Variants in C12orf42 observed in about 807,000 individuals in gnomAD.
The protein encoded by C12orf42 is uncharacterized protein C12orf42.
In C12orf42, 25 loss-of-function variants were observed where a neutral mutation model predicts 21.6. That is an observed-to-expected ratio of 1.16 (90% CI 0.84 to 1.62). The LOEUF is 1.62. Ranked by LOEUF, C12orf42 falls within the 40% of genes most tolerant of loss-of-function variation. The probability of loss-of-function intolerance (pLI) is 0.00; values close to 1 mark genes in which losing one functional copy is unlikely to be tolerated. For missense variants in C12orf42, 483 were observed against 459.3 expected, an observed-to-expected ratio of 1.05 and a Z score of -0.47; for synonymous variants, 174 against 175.0, an observed-to-expected ratio of 0.99 and a Z score of 0.05.
At chr12:103,257,426 A>T (rs73385651) in intron 10 of C12orf42, among the ~76,000 whole-genome samples, 7,724 of 152,266 alleles carry the variant, frequency 0.051, 466 homozygotes, top group African/African-American at 0.15. Flanking sequence ...AAGCATGCTT[A>T]AAAAGTTATA....
chr12:103,453,261 T>C (rs1398649190), intron 2 of C12orf42, among the ~76,000 whole-genome samples: 3 of 151,832 alleles, frequency 2.0e-5, no homozygotes, highest in African/African-American at 7.2e-5. Context: ...TAAAGGTTTA[T>C]ATAAAGTTAT....
chr12:103,231,386 A>G, the C12orf42 span, among the ~76,000 whole-genome samples: 1 of 152,176 alleles, frequency 6.6e-6, no homozygotes, highest in African/African-American at 2.4e-5. Flanking sequence ...TGAGTTTATG[A>G]TGACATATAT....
chr12:103,475,789 A>G (rs1469458506), intron 2 of C12orf42, among the ~76,000 whole-genome samples: 1 of 152,202 alleles, frequency 6.6e-6, no homozygotes, highest in Non-Finnish European at 1.5e-5. Context: ...GTATTTCCAA[A>G]AGGCAATCTG....
intron 4 of C12orf42, among the ~76,000 whole-genome samples, chr12:103,343,631 A>C: frequency 6.6e-6 from 1 of 152,016 alleles, no homozygotes; most frequent in East Asian, 1.9e-4. Flanking sequence ...ATACAAAAAA[A>C]TCAGCCGAGC....
the C12orf42 span, among the ~76,000 whole-genome samples, chr12:103,203,999 T>C: frequency 4.6e-5 from 7 of 152,184 alleles, no homozygotes; most frequent in Non-Finnish European, 8.8e-5. Context: ...GCTTCTATGA[T>C]GATAAAATCA....
intron 4 of C12orf42, among the ~76,000 whole-genome samples, chr12:103,365,633 G>A (rs1763752109): frequency 6.6e-6 from 1 of 151,930 alleles, no homozygotes. Context: ...CAAAGTTTCA[G>A]GATACAAAAT....
At chr12:103,147,427 G>A in the C12orf42 span, among the ~76,000 whole-genome samples, 1 of 151,000 alleles carries the variant, frequency 6.6e-6, no homozygotes, top group Non-Finnish European at 1.5e-5. Flanking sequence ...AGTGAATGAA[G>A]CATTTTCTAT....
At chr12:103,233,286 G>C (rs2033361311), downstream of C12orf42, among the ~76,000 whole-genome samples, 1 of 152,068 alleles carries the variant, frequency 6.6e-6, no homozygotes, top group Non-Finnish European at 1.5e-5. Flanking sequence ...TTTTCTTTCA[G>C]TATCATGCGG....
intron 2 of C12orf42, among the ~76,000 whole-genome samples, chr12:103,456,473 G>A (rs1164479398): frequency 6.6e-6 from 1 of 152,086 alleles, no homozygotes; most frequent in Non-Finnish European, 1.5e-5. Context: ...CTCAAAATTT[G>A]TCAAAAGTCA....
the C12orf42 span, among the ~76,000 whole-genome samples, chr12:103,061,370 C>T: frequency 6.6e-6 from 1 of 152,132 alleles, no homozygotes; most frequent in African/African-American, 2.4e-5. Context: ...ATATAATGTT[C>T]TATACATGTC....
At chr12:103,292,301 G>C (rs113001588) in intron 4 of C12orf42, among the ~76,000 whole-genome samples, 19 of 151,838 alleles carry the variant, frequency 1.3e-4, no homozygotes, top group Non-Finnish European at 2.5e-4. Flanking sequence ...AAGGGTACAG[G>C]GTTTCTATTC....
chr12:103,306,217 A>G lies in C12orf42; in HGVS notation c.388T>C (p.Ser130Pro). 4.3e-6 allele frequency: 7 copies of G among 1,613,908 alleles called. No homozygotes were observed. Among genetic ancestry groups the G allele is most frequent in the Middle Eastern group, 1.6e-4 (1 of 6,062 alleles). ...DEESYEEFRS[S>P]PAPSSETDEA... ...TCAGTTTCACTGGATGGTGCTGGAG[A>G]GGAACGGAATTCTTCATAGCTTTCT... is the stretch of plus-strand genomic sequence containing the variant. Residue 130 changes from serine to proline, a missense_variant, in exon 5 of 6, where the codon TCT becomes CCT. By Grantham distance (74) the Ser-to-Pro change is moderately conservative (BLOSUM62 -1). Transcript: ENST00000548883.
At chr12:103,364,854 C>CA (rs1349332549) in intron 4 of C12orf42, among the ~76,000 whole-genome samples, 2 of 151,502 alleles carry the variant, frequency 1.3e-5, no homozygotes, top group East Asian at 1.9e-4. Flanking sequence ...AATTACCAGC[C>CA]AAAAAAAGTC....
chr12:103,356,577 C>G (rs2043583647), intron 4 of C12orf42, among the ~76,000 whole-genome samples: 1 of 151,694 alleles, frequency 6.6e-6, no homozygotes, highest in Non-Finnish European at 1.5e-5. Context: ...ATTTCTAGTT[C>G]TAGATCCCTG....
intron 2 of C12orf42, among the ~76,000 whole-genome samples, chr12:103,430,720 C>G (rs1950202032): frequency 6.6e-6 from 1 of 152,142 alleles, no homozygotes; most frequent in Non-Finnish European, 1.5e-5. Flanking sequence ...ACCCAAATAC[C>G]CATCAATGAT....
At chr12:103,414,379 A>C (rs2049122215) in intron 2 of C12orf42, among the ~76,000 whole-genome samples, 1 of 152,020 alleles carries the variant, frequency 6.6e-6, no homozygotes, top group African/African-American at 2.4e-5. Flanking sequence ...CAGATTCTGG[A>C]TACCAGTCCT....
the C12orf42 span, among the ~76,000 whole-genome samples, chr12:103,501,204 A>G: frequency 6.6e-6 from 1 of 152,344 alleles, no homozygotes; most frequent in African/African-American, 2.4e-5. Context: ...GAGATACCAA[A>G]GCTCTCATTT....
intron 5 of C12orf42, among the ~76,000 whole-genome samples, chr12:103,304,249 A>T (rs1330134609): frequency 6.6e-6 from 1 of 152,156 alleles, no homozygotes; most frequent in South Asian, 2.1e-4. Context: ...TTGTTCATTC[A>T]TTTATTAATA....
the C12orf42 span, among the ~76,000 whole-genome samples, chr12:103,537,419 C>T: frequency 2.6e-5 from 4 of 152,084 alleles, no homozygotes; most frequent in African/African-American, 9.7e-5. Context: ...TTCCATAGAA[C>T]TAAAGTATAT....
Sources: allele counts gnomAD v4.1 joint callset (sites outside exome capture counted in the v4.1 genomes callset), GRCh38; gene constraint gnomAD v4.1.1; transcripts MANE v1.5; gene names NCBI Gene and HGNC (gene_info 2026-07-23, HGNC 2026-07-21).